ABLIM2: variants seen among roughly 807,000 people sequenced by gnomAD.
ABLIM2 encodes actin-binding LIM protein 2.
ABLIM2 carries 53 observed loss-of-function variants against 97.7 expected under a neutral mutation model. The ratio of observed to expected loss-of-function variants is 0.54; its 90% confidence interval spans 0.44 to 0.68. ABLIM2 has a LOEUF of 0.68. Among genes scored for constraint, ABLIM2 ranks in the 30% least tolerant of loss-of-function variants. ABLIM2 has a pLI of 0.00. For missense variants in ABLIM2, 835 were observed against 867.2 expected (o/e 0.96, Z 0.47); for synonymous variants, 361 against 345.8 (o/e 1.04, Z -0.49).
At chr4:8,000,359 C>T (rs537553572) in intron 16 of ABLIM2, among the ~76,000 whole-genome samples, 3 of 152,142 alleles carry the variant, frequency 2.0e-5, no homozygotes, top group South Asian at 4.1e-4. Flanking sequence ...CCTCAACCCC[C>T]ACATGCTCCC....
At chr4:8,103,058 A>G (rs531409185) in intron 2 of ABLIM2, among the ~76,000 whole-genome samples, 1 of 152,360 alleles carries the variant, frequency 6.6e-6, no homozygotes, top group Non-Finnish European at 1.5e-5. Flanking sequence ...ATCTGAGACC[A>G]TGAGGAGAGG....
intron 16 of ABLIM2, 129 bp downstream of exon 16, chr4:8,007,930 G>C (rs1762477322): frequency 6.7e-7 from 1 of 1,489,410 alleles, no homozygotes; most frequent in Admixed American, 2.2e-5. Context: ...CCTTAGATTT[G>C]TGGGCTTTGC....
At position 8,058,841 on chromosome 4, in the gene ABLIM2, C is replaced by T. The variant is rs1393045679; in HGVS notation, c.763+2126G>A. Among the ~76,000 whole-genome samples, 1 of 152,170 alleles carries T rather than the reference C, an allele frequency of 6.6e-6. No homozygotes were observed. Among genetic ancestry groups the T allele is most frequent in the Non-Finnish European group, 1.5e-5 (1 of 68,042 alleles). ...TCCCCTGGCCTAGAAGCCTAATCTCCCTCCACTTCTGATTGAGTTCCTCAT... is the reference window on the plus strand; with the variant it reads ...TCCCCTGGCCTAGAAGCCTAATCTCTCTCCACTTCTGATTGAGTTCCTCAT... On this transcript the variant is annotated intron_variant, in intron 7 of 20. Transcript: ENST00000447017. This position sits in a 1 kb window ranked among gnomAD's most constrained non-coding sequence, Gnocchi z 4.2.
chr4:8,124,430 C>G lies in ABLIM2; in HGVS notation c.11-17793G>C, dbSNP rs1007037869. 6.6e-6 allele frequency among the ~76,000 whole-genome samples: 1 copy of G among 152,166 alleles called. No homozygotes were observed. The highest frequency in any genetic ancestry group is 2.1e-4 in the South Asian group (1 of 4,816). On this transcript the variant is annotated intron_variant, in intron 1 of 20. Coordinates refer to ENST00000447017, the MANE Select transcript of ABLIM2 (RefSeq NM_001130083.2). The surrounding 1 kb of genome is among the most constrained non-coding windows in gnomAD (Gnocchi z 6.1). ...TTTACTGTCACTCCCGTTTTCCCTC[C>G]GCAGCCCCTGGTAACAACTGGTCTG...
chr4:8,045,243 T>C lies in ABLIM2; in HGVS notation c.823-2A>G. The C allele has an allele frequency of 1.2e-6, 2 of 1,613,288 alleles. No homozygotes were observed. The highest frequency in any genetic ancestry group is 1.7e-6 in the Non-Finnish European group (2 of 1,179,200). On this transcript the variant is annotated splice_acceptor_variant, in intron 8 of 20. Coordinates refer to ENST00000447017, the MANE Select transcript of ABLIM2 (RefSeq NM_001130083.2). LOFTEE classifies it high-confidence loss of function. Reference sequence around the variant, plus strand: ...GCTCTCTGAGGAAGTTCTGGTTTCCTGAGAAAGGAGAGAGGAAGAGATTGA... The same window carrying C: ...GCTCTCTGAGGAAGTTCTGGTTTCCCGAGAAAGGAGAGAGGAAGAGATTGA...
At position 8,158,761 on chromosome 4, in the gene ABLIM2, C is replaced by T; in HGVS notation, c.-72G>A. 1.6e-6 allele frequency: 2 copies of T among 1,276,716 alleles called. No individual in the cohort carries two copies. The highest frequency in any genetic ancestry group is 1.6e-5 in the African/African-American group (1 of 64,388). 79.1% of individuals were successfully genotyped at this position (1,276,716 alleles called of 1,614,324 possible). A position where few individuals can be genotyped will look rare whatever the true frequency, so the allele number is the denominator to read the frequency against. ...GACCCTCGGGCCCGCAGGTGCCGCG[C>T]CCGCGCTATCCTCCGCCCGCCCGCC... On this transcript the variant is annotated 5_prime_UTR_variant, in exon 1 of 21. Transcript: ENST00000447017.
chr4:8,049,976 C>T (rs1457265073), intron 8 of ABLIM2, among the ~76,000 whole-genome samples: 2 of 152,220 alleles, frequency 1.3e-5, no homozygotes, highest in African/African-American at 2.4e-5. Context: ...GATCCACCAA[C>T]CTCAGCCTCC....
chr4:8,045,720 G>A (rs1791925422), intron 8 of ABLIM2, among the ~76,000 whole-genome samples: 1 of 152,208 alleles, frequency 6.6e-6, no homozygotes, highest in Admixed American at 6.5e-5. Flanking sequence ...TAAACACACA[G>A]GCTTGGATGA....
Position 8,061,560 on chromosome 4 carries a change from A to G in ABLIM2, c.676-506T>C, listed in dbSNP as rs1803110983. Among the ~76,000 whole-genome samples the G allele has an allele frequency of 6.6e-6, 1 of 151,790 alleles. No homozygotes were observed. Among genetic ancestry groups the G allele is most frequent in the Non-Finnish European group, 1.5e-5 (1 of 67,946 alleles). The stretch of plus-strand genomic sequence containing the variant: ...GTTCAATGAGCATTTTGTTTTTATC[A>G]TTCTTGAAGTTTATTAAATTAGACT... On this transcript the variant is annotated intron_variant, in intron 6 of 20. Transcript: ENST00000447017. This position sits in a 1 kb window ranked among gnomAD's most constrained non-coding sequence, Gnocchi z 4.5.
At chr4:8,052,528 T>C (rs911930086) in intron 8 of ABLIM2, among the ~76,000 whole-genome samples, 3 of 152,226 alleles carry the variant, frequency 2.0e-5, no homozygotes, top group Non-Finnish European at 2.9e-5. Context: ...TCTGCCACTG[T>C]GGAAGGCAGA....
chr4:8,090,206 G>A (rs1826400401), intron 3 of ABLIM2, among the ~76,000 whole-genome samples: 1 of 152,200 alleles, frequency 6.6e-6, no homozygotes, highest in Non-Finnish European at 1.5e-5. Context: ...TGCCACCTGG[G>A]TCTCCGTGTC....
chr4:7,969,898 T>C (rs1341777359), intron 20 of ABLIM2, among the ~76,000 whole-genome samples: 4 of 152,272 alleles, frequency 2.6e-5, no homozygotes, highest in South Asian at 2.1e-4. Context: ...TCAGGGTTTC[T>C]TGGTGCTGAG....
intron 9 of ABLIM2, among the ~76,000 whole-genome samples, chr4:8,042,799 G>A (rs917822463): frequency 4.1e-5 from 6 of 148,110 alleles, no homozygotes; most frequent in Admixed American, 3.4e-4. Flanking sequence ...AGATGGAGCC[G>A]TGGCACTCCA....
intron 1 of ABLIM2, among the ~76,000 whole-genome samples, chr4:8,137,609 T>G (rs933923670): frequency 2.0e-5 from 3 of 152,188 alleles, no homozygotes; most frequent in Admixed American, 2.0e-4. Flanking sequence ...GAGGTGCAGT[T>G]GGCGAGAGGC....
intron 20 of ABLIM2, among the ~76,000 whole-genome samples, chr4:7,976,440 T>C (rs1733101802): frequency 6.6e-6 from 1 of 152,188 alleles, no homozygotes. Context: ...GGGGTTGTTT[T>C]CAATTGCACA....
chr4:8,041,964 CCAA>C (rs1788933647), intron 9 of ABLIM2, among the ~76,000 whole-genome samples: 1 of 152,020 alleles, frequency 6.6e-6, no homozygotes, highest in Non-Finnish European at 1.5e-5. Flanking sequence ...CGTGCAGGTT[CCAA>C]CAACAACAGC....
chr4:8,096,765 C>T (rs28713734), intron 3 of ABLIM2, among the ~76,000 whole-genome samples: 5,155 of 152,248 alleles, frequency 0.034, 234 homozygotes, highest in East Asian at 0.16. Flanking sequence ...TCCTGCTCAG[C>T]CCCAGGAGGT....
In ABLIM2 at chr4:8,128,509, A is replaced by C. The variant is rs557005589; in HGVS notation, c.11-21872T>G. ...GAGTTTTAGATTTTATTTAATTTTAATTCAACCAGGGGACCTGCTGGTTAC... is the reference window on the plus strand; with the variant it reads ...GAGTTTTAGATTTTATTTAATTTTACTTCAACCAGGGGACCTGCTGGTTAC... On this transcript the variant is annotated intron_variant, in intron 1 of 20. Coordinates refer to ENST00000447017, the MANE Select transcript of ABLIM2 (RefSeq NM_001130083.2). This position sits in a 1 kb window ranked among gnomAD's most constrained non-coding sequence, Gnocchi z 4.9. Among the ~76,000 whole-genome samples the C allele has an allele frequency of 9.8e-4, 149 of 152,304 alleles. 1 individual carries two copies. Among genetic ancestry groups the C allele is most frequent in the Non-Finnish European group, 1.7e-3 (114 of 68,026 alleles).
rs1036522433 is a variant in ABLIM2, at chr4:7,970,856, G to C, written c.1825-3753C>G. 6.6e-6 allele frequency among the ~76,000 whole-genome samples: 1 copy of C among 152,130 alleles called. No homozygotes were observed. The highest frequency in any genetic ancestry group is 1.9e-4 in the East Asian group (1 of 5,136). On this transcript the variant is annotated intron_variant, in intron 20 of 20. Transcript: ENST00000447017. The surrounding 1 kb of genome is among the most constrained non-coding windows in gnomAD (Gnocchi z 5.3). ...GGGCCGGGGGTGTCCCGAGCATGTG[G>C]GCTGGGCCAGGCCACTCGTATGTGG...
Sources: gnomAD v4.1 joint callset for allele counts (sites outside exome capture counted in the v4.1 genomes callset) on GRCh38, gnomAD v4.1.1 for gene constraint, Gnocchi (gnomAD v3.1) non-coding constraint, MANE v1.5 for transcripts, NCBI Gene and HGNC (gene_info 2026-07-23, HGNC 2026-07-21) for gene names.